DTD1: variants seen among roughly 807,000 people sequenced by gnomAD.
The protein encoded by DTD1 is D-tyrosyl-tRNA deacylase 1 homolog.
In DTD1, 13 loss-of-function variants were observed where a neutral mutation model predicts 25.6. The ratio of observed to expected loss-of-function variants is 0.51; its 90% confidence interval spans 0.33 to 0.81. The LOEUF is 0.81. Among genes scored for constraint, DTD1 ranks in the 30% least tolerant of loss-of-function variants. The probability of loss-of-function intolerance (pLI) is 0.02; values close to 1 mark genes in which losing one functional copy is unlikely to be tolerated. For synonymous variants in DTD1, 110 were observed against 103.6 expected, an observed-to-expected ratio of 1.06 and a Z score of -0.37; for missense variants, 193 against 266.4, an observed-to-expected ratio of 0.72 and a Z score of 1.92.
intron 4 of DTD1, among the ~76,000 whole-genome samples, chr20:18,694,923 G>A (rs1430294155): frequency 6.6e-6 from 1 of 152,164 alleles, no homozygotes; most frequent in East Asian, 1.9e-4. Flanking sequence ...GGTATGTACA[G>A]TATGTGAAGA....
intron 3 of DTD1, among the ~76,000 whole-genome samples, chr20:18,618,672 TACACACACACACACACACAC>T (rs751474809): frequency 7.7e-6 from 1 of 130,546 alleles, no homozygotes; most frequent in Admixed American, 8.1e-5. Flanking sequence ...CATAATTTTA[TACACACACACACACACACAC>T]ACACACACAC....
intron 5 of DTD1, among the ~76,000 whole-genome samples, chr20:18,755,019 A>G (rs979612726): frequency 1.3e-5 from 2 of 152,244 alleles, no homozygotes; most frequent in African/African-American, 2.4e-5. Context: ...TGCTTTATAA[A>G]GTTCTTATGC....
At chr20:18,612,502 T>C (rs1600317962) in intron 3 of DTD1, among the ~76,000 whole-genome samples, 1 of 152,120 alleles carries the variant, frequency 6.6e-6, no homozygotes, top group South Asian at 2.1e-4. Context: ...ATTCTGTAGG[T>C]GAGGTGCAGC....
chr20:18,688,946 C>T (rs1052381627), intron 4 of DTD1, among the ~76,000 whole-genome samples: 1 of 151,914 alleles, frequency 6.6e-6, no homozygotes, highest in Non-Finnish European at 1.5e-5. Context: ...AGGCATGACC[C>T]AATGAGAAAT....
intron 1 of DTD1, among the ~76,000 whole-genome samples, chr20:18,593,075 G>A (rs1825684477): frequency 1.3e-5 from 2 of 151,812 alleles, no homozygotes; most frequent in African/African-American, 4.8e-5. Flanking sequence ...TTAGGAGTGT[G>A]TGCTTAGAGC....
chr20:18,733,996 T>G (rs2061247714), intron 4 of DTD1, among the ~76,000 whole-genome samples: 1 of 152,260 alleles, frequency 6.6e-6, no homozygotes, highest in African/African-American at 2.4e-5. Context: ...TTTAAAAAGC[T>G]TTCAGAATTA....
intron 4 of DTD1, among the ~76,000 whole-genome samples, chr20:18,695,501 C>T (rs1237254890): frequency 9.6e-4 from 3 of 3,126 alleles, no homozygotes; most frequent in Admixed American, 6.1e-3. Context: ...TTTCCTTTCC[C>T]TTCCCTTCCC....
At chr20:18,741,062 A>G (rs575207041) in intron 4 of DTD1, among the ~76,000 whole-genome samples, 1 of 152,380 alleles carries the variant, frequency 6.6e-6, no homozygotes, top group Non-Finnish European at 1.5e-5. Flanking sequence ...ATTCCTACTT[A>G]AAGTGCTGCT....
intron 4 of DTD1, among the ~76,000 whole-genome samples, chr20:18,729,107 C>T (rs564508971): frequency 6.6e-6 from 1 of 152,154 alleles, no homozygotes; most frequent in African/African-American, 2.4e-5. Flanking sequence ...GGACTCAAAC[C>T]ATCGTCCTGC....
At chr20:18,673,918 T>A (rs931629598) in intron 4 of DTD1, among the ~76,000 whole-genome samples, 22 of 151,546 alleles carry the variant, frequency 1.5e-4, no homozygotes, top group African/African-American at 4.4e-4. Flanking sequence ...TTTTTTTTTT[T>A]ATTTAGAACT....
intron 4 of DTD1, among the ~76,000 whole-genome samples, chr20:18,658,128 C>T (rs2060897144): frequency 6.6e-6 from 1 of 151,712 alleles, no homozygotes; most frequent in African/African-American, 2.4e-5. Flanking sequence ...ATTTATTAAG[C>T]CCCTTTCTGT....
At chr20:18,696,636 C>A (rs2122450240) in intron 4 of DTD1, among the ~76,000 whole-genome samples, 1 of 152,144 alleles carries the variant, frequency 6.6e-6, no homozygotes. Context: ...CTCATTGCAA[C>A]CTCCGCCTCC....
At chr20:18,732,725 C>T (rs1221247477) in intron 4 of DTD1, among the ~76,000 whole-genome samples, 2 of 152,290 alleles carry the variant, frequency 1.3e-5, no homozygotes, top group African/African-American at 2.4e-5. Flanking sequence ...TAGAGTGTAT[C>T]GTTTGTCACA....
chr20:18,636,615 G>A (rs150140428), intron 4 of DTD1, among the ~76,000 whole-genome samples: 54 of 152,326 alleles, frequency 3.5e-4, no homozygotes, highest in African/African-American at 1.3e-3. Context: ...GAGAAGGTTA[G>A]GATGGGTCAG....
At chr20:18,601,858 G>A (rs1376099198) in intron 3 of DTD1, among the ~76,000 whole-genome samples, 6 of 151,746 alleles carry the variant, frequency 4.0e-5, no homozygotes, top group South Asian at 2.1e-4. Flanking sequence ...ACTCTAAAAC[G>A]CAGAGCGCCT....
At position 18,613,878 on chromosome 20, in the gene DTD1, G is replaced by A. The variant is rs181210230; in HGVS notation, c.371-14249G>A. ...TGTTGATCTTTATGCTTGTATGTGG[G>A]TATGTACTGTTGCCCCTCGTTGAAT... On this transcript the variant is annotated intron_variant, in intron 3 of 5. Transcript: ENST00000377452. Among the ~76,000 whole-genome samples the A allele has an allele frequency of 1.3e-3, 194 of 152,270 alleles. 1 individual carries two copies. Among genetic ancestry groups the A allele is most frequent in the African/African-American group, 4.6e-3 (190 of 41,534 alleles).
intron 4 of DTD1, among the ~76,000 whole-genome samples, chr20:18,698,160 C>A (rs1035251704): frequency 6.6e-6 from 1 of 152,190 alleles, no homozygotes; most frequent in African/African-American, 2.4e-5. Flanking sequence ...TTTCTAGGAT[C>A]TGCTGATGTA....
At chr20:18,679,722 G>A (rs6136467) in intron 4 of DTD1, among the ~76,000 whole-genome samples, 54,958 of 152,018 alleles carry the variant, frequency 0.36, 10,256 homozygotes, top group Non-Finnish European at 0.41. Flanking sequence ...GTTCTACAAG[G>A]TTTATTAAAG....
chr20:18,711,157 A>C (rs190373173), intron 4 of DTD1, among the ~76,000 whole-genome samples: 1 of 152,150 alleles, frequency 6.6e-6, no homozygotes, highest in African/African-American at 2.4e-5. Context: ...GTGTGAGCGC[A>C]GGTGTTGTAA....
Sources: allele counts gnomAD v4.1 joint callset (sites outside exome capture counted in the v4.1 genomes callset), GRCh38; gene constraint gnomAD v4.1.1; transcripts MANE v1.5; gene names NCBI Gene and HGNC (gene_info 2026-07-23, HGNC 2026-07-21).